The following GKN2 variants were observed in gnomAD, a reference collection of about 807,000 sequenced individuals.
The protein encoded by GKN2 is gastrokine 2, also known as gastrokine-2.
A neutral mutation model predicts 22.7 loss-of-function variants in GKN2; 17 were observed. That is an observed-to-expected ratio of 0.75 (90% confidence interval 0.51 to 1.13). The LOEUF is 1.13. Among genes scored for constraint, GKN2 ranks in the 50% most tolerant of loss-of-function variants. The pLI, the probability that GKN2 is intolerant of heterozygous loss-of-function variation, is 0.00. For missense variants in GKN2, 248 were observed against 221.4 expected, an observed-to-expected ratio of 1.12 and a Z score of -0.76; for synonymous variants, 82 against 79.6, an observed-to-expected ratio of 1.03 and a Z score of -0.16.
At position 68,950,186 on chromosome 2, in the gene GKN2, G is replaced by T; in HGVS notation, c.144C>A (p.Thr48=). Residue 48 remains threonine (T), a synonymous_variant, in exon 3 of 6, where the codon ACC becomes ACA. Transcript: ENST00000328895. ...ETVTIDNEKN[T]AIINIHAGSC... ...ATCCTGCATGGATGTTAATGATGGC[G>T]GTATTTTTTTCATTATCAATTGTCA... The T allele has an allele frequency of 6.2e-7, 1 of 1,613,604 alleles. No homozygotes were observed. The highest frequency in any genetic ancestry group is 8.5e-7 in the Non-Finnish European group (1 of 1,179,632).
intron 5 of GKN2, 117 bp from the exon 6 acceptor site, chr2:68,945,567 T>C (rs1669753469): frequency 1.4e-6 from 1 of 706,944 alleles, no homozygotes; most frequent in African/African-American, 1.8e-5. Flanking sequence ...GCTGGTTGGC[T>C]CAATCCCAGT....
chr2:68,946,582 A>C, intron 4 of GKN2, 122 bp from the exon 5 acceptor site: 63 of 741,272 alleles, frequency 8.5e-5, no homozygotes, highest in Non-Finnish European at 1.2e-4. Flanking sequence ...TAGGGATCTC[A>C]AGACATCATC....
Position 68,952,844 on chromosome 2 carries a change from A to G in GKN2, c.12+6T>C, listed in dbSNP as rs1243713618. On this transcript the variant is annotated splice_donor_region_variant and intron_variant, in intron 1 of 5. Transcript: ENST00000328895. ...AGAGTATCAAGAAGCAGAAACAAATACTCACAAGTATTTTCATTTTGCCTG... is the reference window on the plus strand; with the variant it reads ...AGAGTATCAAGAAGCAGAAACAAATGCTCACAAGTATTTTCATTTTGCCTG... The G allele has an allele frequency of 1.2e-6, 2 of 1,613,940 alleles. No homozygotes were observed. The highest frequency in any genetic ancestry group is 3.3e-4 in the Middle Eastern group (2 of 6,062).
intron 3 of GKN2, among the ~76,000 whole-genome samples, chr2:68,948,588 A>C (rs1185060274): frequency 6.6e-6 from 1 of 152,100 alleles, no homozygotes; most frequent in African/African-American, 2.4e-5. Context: ...CTCCATCTCA[A>C]ACCCAAGCTG....
At chr2:68,949,451 G>A (rs1020703490) in intron 3 of GKN2, among the ~76,000 whole-genome samples, 7 of 151,656 alleles carry the variant, frequency 4.6e-5, no homozygotes, top group African/African-American at 1.5e-4. Flanking sequence ...ACAGGATCTC[G>A]TTTTGTCACC....
chr2:68,947,464 A>G (rs912865272), intron 3 of GKN2, among the ~76,000 whole-genome samples: 2 of 152,172 alleles, frequency 1.3e-5, no homozygotes, highest in Non-Finnish European at 2.9e-5. Context: ...TACCCCTTTG[A>G]AATTGTGCAA....
chr2:68,945,576 G>A (rs1452206871), intron 5 of GKN2, 126 bp from the exon 6 acceptor site: 1 of 650,898 alleles, frequency 1.5e-6, no homozygotes, highest in South Asian at 2.2e-5. Flanking sequence ...CTCAATCCCA[G>A]TGATATTATG....
At chr2:68,945,486 A>T (rs777296912) in intron 5 of GKN2, 36 bp from the exon 6 acceptor site, 3 of 1,400,384 alleles carry the variant, frequency 2.1e-6, no homozygotes, top group South Asian at 2.4e-5. Flanking sequence ...AAAGAGCATT[A>T]AAAAATATAT....
chr2:68,949,026 C>A (rs187195904), intron 3 of GKN2, among the ~76,000 whole-genome samples: 1 of 152,034 alleles, frequency 6.6e-6, no homozygotes, highest in African/African-American at 2.4e-5. Flanking sequence ...GAAAGAGGAA[C>A]GTGAAGACAT....
At chr2:68,947,836 C>A (rs917000465) in intron 3 of GKN2, among the ~76,000 whole-genome samples, 1 of 152,130 alleles carries the variant, frequency 6.6e-6, no homozygotes, top group East Asian at 1.9e-4. Flanking sequence ...GTGATCCACC[C>A]ACCTTGAGCT....
Position 68,947,178 on chromosome 2 carries a change from T to C in GKN2, c.284A>G (p.Asn95Ser). Residue 95 changes from asparagine to serine, a missense_variant, in exon 4 of 6, where the codon AAC becomes AGC. By Grantham distance (46) the Asn-to-Ser change is conservative (BLOSUM62 1). Coordinates refer to ENST00000328895, the MANE Select transcript of GKN2 (RefSeq NM_182536.3). ...CTCATAGATGTACCATTGGAGATTGTTCAGAGGAGGGATGTTCTGATGGTC... is the reference window on the plus strand; with the variant it reads ...CTCATAGATGTACCATTGGAGATTGCTCAGAGGAGGGATGTTCTGATGGTC... ...KMDHQNIPPL[N>S]NLQWYIYEKQ... 1 of 1,613,322 alleles carries C rather than the reference T, an allele frequency of 6.2e-7. No individual in the cohort carries two copies. The highest frequency in any genetic ancestry group is 8.5e-7 in the Non-Finnish European group (1 of 1,179,288).
chr2:68,951,797 G>T (rs1254620732), intron 1 of GKN2, among the ~76,000 whole-genome samples: 3 of 152,214 alleles, frequency 2.0e-5, no homozygotes, highest in Admixed American at 6.5e-5. Context: ...TGAACAAGTA[G>T]TCGAAGGACT....
intron 2 of GKN2, 79 bp downstream of exon 2, chr2:68,950,623 C>G: frequency 3.1e-6 from 4 of 1,280,510 alleles, no homozygotes; most frequent in Non-Finnish European, 4.6e-6. Context: ...GGCCTCTCTA[C>G]TGTCTTCAGG....
intron 3 of GKN2, among the ~76,000 whole-genome samples, chr2:68,949,567 G>C (rs970889937): frequency 2.6e-4 from 40 of 151,878 alleles, no homozygotes; most frequent in African/African-American, 9.2e-4. Flanking sequence ...CCACAGGCCC[G>C]CACCACCACA....
chr2:68,947,480 T>C lies in GKN2; in HGVS notation c.205-223A>G, dbSNP rs188554864. ...ACCCCTTTGAAATTGTGCAAACCCA[T>C]GACTATATTCTGCTTTTCATGTCAT... is the stretch of plus-strand genomic sequence containing the variant. On this transcript the variant is annotated intron_variant, in intron 3 of 5. Coordinates refer to ENST00000328895, the MANE Select transcript of GKN2 (RefSeq NM_182536.3). Among the ~76,000 whole-genome samples the C allele has an allele frequency of 3.3e-5, 5 of 152,350 alleles. No homozygotes were observed. The East Asian group carries it at 9.6e-4, about 29-fold the overall frequency.
chr2:68,946,290 T>C lies in GKN2; in HGVS notation c.472+14A>G. The C allele has an allele frequency of 6.3e-7, 1 of 1,594,628 alleles. No homozygotes were observed. The highest frequency in any genetic ancestry group is 8.5e-7 in the Non-Finnish European group (1 of 1,172,850). ...AGAAAATATTTGGTGAGTGAATGAC[T>C]TATTGGTACTCACGTGTGTTTTCAA... On this transcript the variant is annotated intron_variant, in intron 5 of 5. Transcript: ENST00000328895.
In GKN2 at chr2:68,947,166, C is replaced by A. The variant is rs1669783520; in HGVS notation, c.296G>T (p.Trp99Leu). ...QNIPPLNNLQWYIYEKQALDN... is the reference protein window; with the variant it reads ...QNIPPLNNLQLYIYEKQALDN... ...AATTACCTGTTTCTCATAGATGTAC[C>A]ATTGGAGATTGTTCAGAGGAGGGAT... Residue 99 changes from tryptophan to leucine, a missense_variant, in exon 4 of 6, where the codon TGG (tryptophan) becomes TTG (leucine). By Grantham distance (61) the Trp-to-Leu change is moderately conservative (BLOSUM62 -2). Coordinates refer to ENST00000328895, the MANE Select transcript of GKN2 (RefSeq NM_182536.3). The A allele has an allele frequency of 1.9e-6, 3 of 1,610,590 alleles. No homozygotes were observed. The African/African-American group carries it at 4.0e-5, about 22-fold the overall frequency.
chr2:68,950,370 A>C (rs1353337000), intron 2 of GKN2, 107 bp from the exon 3 acceptor site: 4 of 1,117,774 alleles, frequency 3.6e-6, no homozygotes, highest in Non-Finnish European at 5.0e-6. Flanking sequence ...AGGGATTAAA[A>C]ACTAAAACTG....
At chr2:68,948,748 G>T (rs1213326894) in intron 3 of GKN2, among the ~76,000 whole-genome samples, 1 of 152,190 alleles carries the variant, frequency 6.6e-6, no homozygotes, top group Admixed American at 6.5e-5. Flanking sequence ...ACCCTAGAAA[G>T]CTGTATCTAA....
Sources: allele counts gnomAD v4.1 joint callset (sites outside exome capture counted in the v4.1 genomes callset), GRCh38; gene constraint gnomAD v4.1.1; transcripts MANE v1.5; gene names NCBI Gene and HGNC (gene_info 2026-07-23, HGNC 2026-07-21).